PDE4B: variants seen among roughly 807,000 people sequenced by gnomAD.
The protein encoded by PDE4B is 3',5'-cyclic-AMP phosphodiesterase 4B.
In PDE4B, 20 loss-of-function variants were observed where a neutral mutation model predicts 82.2. That is an observed-to-expected ratio of 0.24 (90% CI 0.17 to 0.35). PDE4B has a LOEUF of 0.35. Among genes scored for constraint, PDE4B ranks in the 10% least tolerant of loss-of-function variants. PDE4B has a pLI of 1.00. For missense variants in PDE4B, 655 were observed against 907.2 expected (o/e 0.72, Z 3.57); for synonymous variants, 320 against 318.9 (o/e 1.00, Z -0.04).
chr1:65,885,854 G>GAA, intron 1 of PDE4B, among the ~76,000 whole-genome samples: 2 of 136,178 alleles, frequency 1.5e-5, no homozygotes, highest in Admixed American at 7.4e-5. Context: ...AAAACTTAAC[G>GAA]TATAATAATA....
chr1:66,111,153 A>G (rs1557569705), intron 3 of PDE4B, among the ~76,000 whole-genome samples: 1 of 152,134 alleles, frequency 6.6e-6, no homozygotes, highest in Non-Finnish European at 1.5e-5. Context: ...ACCCCACATG[A>G]AAAGACCTGA....
intron 3 of PDE4B, among the ~76,000 whole-genome samples, chr1:66,068,168 T>C (rs951813878): frequency 2.6e-5 from 4 of 151,292 alleles, no homozygotes; most frequent in African/African-American, 9.7e-5. Context: ...ATAATTGTTC[T>C]CGCTTCCGTG....
intron 7 of PDE4B, among the ~76,000 whole-genome samples, chr1:66,282,753 T>C (rs977431637): frequency 2.0e-5 from 3 of 152,180 alleles, no homozygotes; most frequent in African/African-American, 4.8e-5. Flanking sequence ...TTTTGAGTCT[T>C]TGAGTCTTAG....
At chr1:66,170,156 T>C (rs1646811920) in intron 3 of PDE4B, among the ~76,000 whole-genome samples, 1 of 152,182 alleles carries the variant, frequency 6.6e-6, no homozygotes, top group African/African-American at 2.4e-5. Flanking sequence ...TGTTGCACAT[T>C]AGTTCCTCAA....
At chr1:65,997,927 C>T (rs1032156670) in intron 3 of PDE4B, among the ~76,000 whole-genome samples, 4 of 151,978 alleles carry the variant, frequency 2.6e-5, no homozygotes, top group Non-Finnish European at 4.4e-5. Context: ...AGGGAAGTTT[C>T]GAGAAGAGAT....
chr1:66,102,185 G>A (rs973789457), intron 3 of PDE4B, among the ~76,000 whole-genome samples: 9 of 151,900 alleles, frequency 5.9e-5, no homozygotes, highest in Non-Finnish European at 1.2e-4. Flanking sequence ...CCGTTCCATT[G>A]GTCTATATCT....
At chr1:65,932,380 C>G (rs1024830740) in intron 3 of PDE4B, among the ~76,000 whole-genome samples, 24 of 152,156 alleles carry the variant, frequency 1.6e-4, no homozygotes, top group African/African-American at 5.8e-4. Context: ...CTGATTGTAC[C>G]TAGCATACTC....
At chr1:66,062,981 C>T (rs1655661301) in intron 3 of PDE4B, 1 of 152,018 alleles carries the variant, frequency 6.6e-6, no homozygotes, top group Non-Finnish European at 1.5e-5. Context: ...GTTGGTGTCT[C>T]TGCAGCAATC....
At chr1:66,219,000 A>G (rs975905141) in intron 3 of PDE4B, among the ~76,000 whole-genome samples, 4 of 152,184 alleles carry the variant, frequency 2.6e-5, no homozygotes, top group African/African-American at 7.2e-5. Context: ...ATTTGATAGC[A>G]TCAGTGTTCC....
At chr1:65,818,461 C>A (rs1409711955) in intron 1 of PDE4B, among the ~76,000 whole-genome samples, 1 of 151,890 alleles carries the variant, frequency 6.6e-6, no homozygotes, top group Non-Finnish European at 1.5e-5. Flanking sequence ...CTTTAATGGG[C>A]TCCCTTTTAC....
chr1:66,149,594 T>G (rs1646350785), intron 3 of PDE4B, among the ~76,000 whole-genome samples: 1 of 152,172 alleles, frequency 6.6e-6, no homozygotes, highest in African/African-American at 2.4e-5. Context: ...GCTGGGGTGC[T>G]AGTAATCCCA....
intron 3 of PDE4B, among the ~76,000 whole-genome samples, chr1:66,182,527 A>G (rs1647089724): frequency 6.6e-6 from 1 of 151,442 alleles, no homozygotes; most frequent in African/African-American, 2.5e-5. Flanking sequence ...AAAAAGCTGA[A>G]GAGATAATCT....
intron 3 of PDE4B, among the ~76,000 whole-genome samples, chr1:66,233,693 T>C (rs1427687317): frequency 7.4e-6 from 1 of 135,074 alleles, no homozygotes; most frequent in Non-Finnish European, 1.5e-5. Context: ...TATGTAAATA[T>C]ATGTGTGTGT....
At chr1:66,155,003 C>T (rs1037984169) in intron 3 of PDE4B, among the ~76,000 whole-genome samples, 3 of 152,094 alleles carry the variant, frequency 2.0e-5, no homozygotes, top group African/African-American at 7.2e-5. Flanking sequence ...CATAGTGACA[C>T]CTCATCTCTA....
chr1:66,167,410 A>C (rs1172560259), intron 3 of PDE4B, among the ~76,000 whole-genome samples: 1 of 152,224 alleles, frequency 6.6e-6, no homozygotes, highest in Non-Finnish European at 1.5e-5. Context: ...ATGAATTTTT[A>C]AAACTTTAAG....
Position 66,372,820 on chromosome 1 carries a change from A to G in PDE4B, c.*142A>G. On this transcript the variant is annotated 3_prime_UTR_variant, in exon 17 of 17. Transcript: ENST00000341517. ...CAGTTACTTGAGTTTGGAGTCAGAA[A>G]GCAAGACCAGGAAGCAAATAGCAGC... The G allele has an allele frequency of 1.3e-6, 1 of 765,364 alleles. No individual in the cohort carries two copies. The highest frequency in any genetic ancestry group is 2.1e-6 in the Non-Finnish European group (1 of 485,264). 47.4% of individuals were successfully genotyped at this position (765,364 alleles called of 1,614,324 possible). A position where few individuals can be genotyped will look rare whatever the true frequency, so the allele number is the denominator to read the frequency against.
intron 1 of PDE4B, among the ~76,000 whole-genome samples, chr1:65,894,469 G>T (rs887594945): frequency 6.6e-6 from 1 of 152,048 alleles, no homozygotes; most frequent in Non-Finnish European, 1.5e-5. Flanking sequence ...ATGATGGGTT[G>T]ATCAAAGATT....
At chr1:66,179,148 G>T (rs1647007163) in intron 3 of PDE4B, among the ~76,000 whole-genome samples, 1 of 152,126 alleles carries the variant, frequency 6.6e-6, no homozygotes, top group Non-Finnish European at 1.5e-5. Flanking sequence ...ACCATGCCCG[G>T]CCCTTAACTT....
Position 65,973,289 on chromosome 1 carries a change from TA to T in PDE4B, c.281+54458del, listed in dbSNP as rs540874645. ...CAGTGACTATGTTTATATTGATATA[TA>T]AAATATATATTTATCTTTATGATTT... On this transcript the variant is annotated intron_variant, in intron 3 of 16. Coordinates refer to ENST00000341517, the MANE Select transcript of PDE4B (RefSeq NM_002600.4). Among the ~76,000 whole-genome samples the T allele has an allele frequency of 2.0e-5, 3 of 151,974 alleles. No homozygotes were observed. In the South Asian group the frequency reaches 6.2e-4, roughly 32 times the overall value.
Sources: gnomAD v4.1 joint callset for allele counts (sites outside exome capture counted in the v4.1 genomes callset) on GRCh38, gnomAD v4.1.1 for gene constraint, MANE v1.5 for transcripts, NCBI Gene and HGNC (gene_info 2026-07-23, HGNC 2026-07-21) for gene names.